The following CELSR1 variants were observed in gnomAD, a reference collection of about 807,000 sequenced individuals.
CELSR1 encodes adhesion G protein-coupled receptor C1.
A neutral mutation model predicts 249.1 loss-of-function variants in CELSR1; 110 were observed. That is an observed-to-expected ratio of 0.44 (90% CI 0.38 to 0.52). The LOEUF is 0.52. Among genes scored for constraint, CELSR1 ranks in the 20% least tolerant of loss-of-function variants. CELSR1 has a pLI of 0.00. For missense variants in CELSR1, 4,109 were observed against 4,296.4 expected (o/e 0.96, Z 1.22); for synonymous variants, 2,113 against 1,900.0 (o/e 1.11, Z -2.92).
Position 46,535,008 on chromosome 22 carries a change from G to A in CELSR1, c.2163C>T (p.Thr721=). 1.2e-6 allele frequency: 2 copies of A among 1,612,186 alleles called. No individual in the cohort carries two copies. Among genetic ancestry groups the A allele is most frequent in the South Asian group, 1.1e-5 (1 of 91,064 alleles). The change falls in exon 1 of 35, where the codon ACC becomes ACT. Residue 721 remains threonine, a synonymous_variant. Transcript: ENST00000674500. ...GGGTGTTGCCGCCTGTGAGCTGGTA[G>A]GTAATCACACTGTTGGCGTCACGGT... The part of the protein sequence containing the change: ...ARDRDANSVI[T]YQLTGGNTRN...
At position 46,389,305 on chromosome 22, in the gene CELSR1, G is replaced by C; in HGVS notation, c.6540C>G (p.Asp2180Glu). The change falls in exon 18 of 35, where the codon GAC (aspartate) becomes GAG (glutamate). Residue 2180 changes from aspartate (D) to glutamate (E), a missense_variant. By Grantham distance (45) the Asp-to-Glu change is conservative (BLOSUM62 2). This residue lies in a region of CELSR1 where 1,805 missense variants were observed against 1,831.6 expected (regional missense o/e 0.99). Transcript: ENST00000674500. ...ACCCGCCTACCTCGTGAAAGTCGGC[G>C]TCCTGCGTGGCTGCCAGGTCGAAGC... ...QQGFDLAATQ[D>E]ADFHEDVIHS... The C allele has an allele frequency of 6.2e-7, 1 of 1,606,882 alleles. No individual in the cohort carries two copies.
In CELSR1 at chr22:46,427,941, G is replaced by A. The variant is rs1258415869; in HGVS notation, c.4611+5452C>T. 2.0e-5 allele frequency among the ~76,000 whole-genome samples: 3 copies of A among 152,122 alleles called. No homozygotes were observed. Among genetic ancestry groups the A allele is most frequent in the Non-Finnish European group, 2.9e-5 (2 of 68,016 alleles). ...TGTGCAGAAACGGAGAAGCTCCCCC[G>A]ACCCCAGGGGTGCTCCGGGGGTACA... is the stretch of plus-strand genomic sequence containing the variant. On this transcript the variant is annotated intron_variant, in intron 5 of 34. Coordinates refer to ENST00000674500, the MANE Select transcript of CELSR1 (RefSeq NM_001378328.1). The surrounding 1 kb of genome is among the most constrained non-coding windows in gnomAD (Gnocchi z 4.2).
intron 1 of CELSR1, among the ~76,000 whole-genome samples, chr22:46,532,756 C>T (rs779371038): frequency 6.6e-6 from 1 of 152,158 alleles, no homozygotes; most frequent in Non-Finnish European, 1.5e-5. Flanking sequence ...TTTACTGTTC[C>T]CCCAGGCCCC....
chr22:46,499,593 T>C (rs982900986), intron 1 of CELSR1, among the ~76,000 whole-genome samples: 4 of 152,188 alleles, frequency 2.6e-5, no homozygotes, highest in African/African-American at 7.2e-5. Flanking sequence ...GGCACAGATA[T>C]GCAAAGACTT....
In CELSR1 at chr22:46,534,765, C is replaced by T; in HGVS notation, c.2406G>A (p.Arg802=). The T allele has an allele frequency of 3.1e-6, 5 of 1,613,028 alleles. No homozygotes were observed. The highest frequency in any genetic ancestry group is 4.2e-6 in the Non-Finnish European group (5 of 1,179,984). ...GGGTAGCAATGGAGGTGCCCACAGG[C>T]CTGTCCTCACTGACACTCACTGTGT... The part of the protein sequence containing the change: ...SHYTVSVSED[R]PVGTSIATLS... The change falls in exon 1 of 35, where the codon AGG becomes AGA. Residue 802 remains arginine, a synonymous_variant. Coordinates refer to ENST00000674500, the MANE Select transcript of CELSR1 (RefSeq NM_001378328.1). This position sits in a 1 kb window ranked among gnomAD's most constrained non-coding sequence, Gnocchi z 9.7.
chr22:46,474,949 C>T (rs1001241310), intron 1 of CELSR1, among the ~76,000 whole-genome samples: 36 of 152,160 alleles, frequency 2.4e-4, no homozygotes, highest in African/African-American at 7.0e-4. Flanking sequence ...CAAATGGAAA[C>T]GCACAGGCAG....
rs1320184687 is a variant in CELSR1, at chr22:46,445,374, G to A, written c.4184-5963C>T. Among the ~76,000 whole-genome samples, 1 of 150,144 alleles carries A rather than the reference G, an allele frequency of 6.7e-6. No individual in the cohort carries two copies. Among genetic ancestry groups the A allele is most frequent in the Non-Finnish European group, 1.5e-5 (1 of 67,514 alleles). ...CCGGGTATGGTGGCGCATGCCTGTA[G>A]TCCCAGCTACTAGGCAGGCTGAGGC... On this transcript the variant is annotated intron_variant, in intron 2 of 34. Coordinates refer to ENST00000674500, the MANE Select transcript of CELSR1 (RefSeq NM_001378328.1). The surrounding 1 kb of genome is among the most constrained non-coding windows in gnomAD (Gnocchi z 4.4).
In CELSR1 at chr22:46,366,447, C is replaced by T. The variant is rs771193237; in HGVS notation, c.8239G>A (p.Gly2747Arg). The change falls in exon 30 of 35, where the codon GGG (glycine) becomes AGG (arginine). Residue 2747 changes from glycine to arginine, a missense_variant. Transcript: ENST00000674500. Reference sequence around the variant, plus strand: ...AAGTCTGTGCGCAGCATGTCAGGCCCGTCACCGAAGGTGGTGTTGCAGTTG... The same window carrying T: ...AAGTCTGTGCGCAGCATGTCAGGCCTGTCACCGAAGGTGGTGTTGCAGTTG... ...SLNCNTTFGDGPDMLRTDLGE... is the reference protein window; with the variant it reads ...SLNCNTTFGDRPDMLRTDLGE... 17 of 1,550,148 alleles carry T rather than the reference C, an allele frequency of 1.1e-5. No homozygotes were observed. The Admixed American group carries it at 1.8e-4, about 16-fold the overall frequency.
At chr22:46,456,661 TAAAAAAAAAAAA>T (rs556357746) in intron 2 of CELSR1, among the ~76,000 whole-genome samples, 3 of 60,270 alleles carry the variant, frequency 5.0e-5, no homozygotes, top group Non-Finnish European at 9.7e-5. Context: ...AGACTCTGTC[TAAAAAAAAAAAA>T]AAAAAAAAAA....
intron 1 of CELSR1, among the ~76,000 whole-genome samples, chr22:46,521,580 CT>C (rs2080686358): frequency 6.6e-6 from 1 of 151,874 alleles, no homozygotes; most frequent in Non-Finnish European, 1.5e-5. Flanking sequence ...CTTTGGGAGG[CT>C]TGAGGCAGGC....
At chr22:46,426,904 T>A (rs1397474604) in intron 5 of CELSR1, among the ~76,000 whole-genome samples, 1 of 152,140 alleles carries the variant, frequency 6.6e-6, no homozygotes, top group African/African-American at 2.4e-5. Flanking sequence ...CTCAGAGAAA[T>A]CAATCTCTGT....
intron 1 of CELSR1, among the ~76,000 whole-genome samples, chr22:46,498,624 AAG>A (rs2080438225): frequency 6.6e-6 from 1 of 151,718 alleles, no homozygotes; most frequent in South Asian, 2.1e-4. Flanking sequence ...AAAAAAAAAA[AAG>A]AAAAAGAAAA....
rs773282382 is a variant in CELSR1 at position 46,535,351 on chromosome 22, G to A, written c.1820C>T (p.Thr607Met). The change falls in exon 1 of 35, where the codon ACG becomes ATG. Residue 607 changes from threonine (T) to methionine (M), a missense_variant. By Grantham distance (81) the Thr-to-Met change is moderately conservative. Transcript: ENST00000674500. ...GCCGCCCCCCAGAAAGGTGGAGGCC[G>A]TGTCCACCAGGCGATAGTGCAGCCG... ...NARLHYRLVD[T>M]ASTFLGGGSA... The A allele has an allele frequency of 1.4e-5, 23 of 1,612,196 alleles. No individual in the cohort carries two copies. In the Middle Eastern group the frequency reaches 6.6e-4, roughly 46 times the overall value.
Position 46,527,672 on chromosome 22 carries a change from G to A in CELSR1, c.3544+5955C>T, listed in dbSNP as rs2080751676. 6.6e-6 allele frequency among the ~76,000 whole-genome samples: 1 copy of A among 152,178 alleles called. No homozygotes were observed. Among genetic ancestry groups the A allele is most frequent in the African/African-American group, 2.4e-5 (1 of 41,430 alleles). On this transcript the variant is annotated intron_variant, in intron 1 of 34. Coordinates refer to ENST00000674500, the MANE Select transcript of CELSR1 (RefSeq NM_001378328.1). The surrounding 1 kb of genome is among the most constrained non-coding windows in gnomAD (Gnocchi z 5.5). Reference sequence around the variant, plus strand: ...TATTTCTGAGGCAGTGTTTCTCAAGGTATGAGCAAGCCACTGTCTCCAGAC... The same window carrying A: ...TATTTCTGAGGCAGTGTTTCTCAAGATATGAGCAAGCCACTGTCTCCAGAC...
At chr22:46,494,123 A>G (rs2080392554) in intron 1 of CELSR1, among the ~76,000 whole-genome samples, 2 of 152,192 alleles carry the variant, frequency 1.3e-5, no homozygotes, top group Admixed American at 1.3e-4. Flanking sequence ...TTGACTGGCT[A>G]CACTGTTAAA....
Position 46,536,160 on chromosome 22 carries a change from G to A in CELSR1, c.1011C>T (p.Thr337=), listed in dbSNP as rs1283410930. 6.2e-7 allele frequency: 1 copy of A among 1,612,814 alleles called. No homozygotes were observed. The highest frequency in any genetic ancestry group is 1.3e-5 in the African/African-American group (1 of 74,948). Residue 337 remains threonine (T), a synonymous_variant, in exon 1 of 35, where the codon ACC becomes ACT. Transcript: ENST00000674500. ...DYSTPPRSAT[T]YITVLVKDTN... is the part of the protein sequence containing the mutation. ...TGTCTTTGACCAAGACAGTGATGTA[G>A]GTGGTGGCCGAGCGCGGCGGCGTAC...
intron 32 of CELSR1, among the ~76,000 whole-genome samples, 200 bp from the exon 33 acceptor site, chr22:46,364,936 T>C: frequency 6.6e-6 from 1 of 152,200 alleles, no homozygotes; most frequent in East Asian, 1.9e-4. Flanking sequence ...CCGCCGCATC[T>C]GTACCAGTAA....
rs1471069246 is a variant in CELSR1 at position 46,440,224 on chromosome 22, G to A, written c.4184-813C>T. On this transcript the variant is annotated intron_variant, in intron 2 of 34. Coordinates refer to ENST00000674500, the MANE Select transcript of CELSR1 (RefSeq NM_001378328.1). The surrounding 1 kb of genome is among the most constrained non-coding windows in gnomAD (Gnocchi z 4.7). ...TCAGTGTTCGCCATGCTTCGACCCA[G>A]TTGTTCCTGGACTGGCCGCTGCATC... Among the ~76,000 whole-genome samples, 1 of 152,148 alleles carries A rather than the reference G, an allele frequency of 6.6e-6. No individual in the cohort carries two copies. The highest frequency in any genetic ancestry group is 1.5e-5 in the Non-Finnish European group (1 of 68,032).
At position 46,534,336 on chromosome 22, in the gene CELSR1, G is replaced by C. The variant is rs1463609437; in HGVS notation, c.2835C>G (p.Pro945=). 3 of 1,612,912 alleles carry C rather than the reference G, an allele frequency of 1.9e-6. No homozygotes were observed. The highest frequency in any genetic ancestry group is 2.7e-5 in the African/African-American group (2 of 74,938). The change falls in exon 1 of 35, where the codon CCC becomes CCG. Residue 945 remains proline (P), a synonymous_variant. Transcript: ENST00000674500. This position sits in a 1 kb window ranked among gnomAD's most constrained non-coding sequence, Gnocchi z 9.7. ...DDGDGDFYIE[P]TSGVIRTQRR... is the part of the protein sequence containing the mutation. ...GCTGGGTGCGAATCACACCGGACGT[G>C]GGCTCGATGTAGAAGTCCCCATCGC...
Sources: gnomAD v4.1 joint callset for allele counts (sites outside exome capture counted in the v4.1 genomes callset) on GRCh38, gnomAD v4.1.1 for gene constraint, gnomAD v4.1.1 regional missense constraint, Gnocchi (gnomAD v3.1) non-coding constraint, MANE v1.5 for transcripts, NCBI Gene and HGNC (gene_info 2026-07-23, HGNC 2026-07-21) for gene names.